TF: variants seen among roughly 807,000 people sequenced by gnomAD.
TF encodes the protein serotransferrin.
Under a neutral mutation model 82.4 loss-of-function variants are expected in TF, and 55 were observed. That is an observed-to-expected ratio of 0.67 (90% confidence interval 0.54 to 0.84). The LOEUF (loss-of-function observed/expected upper bound fraction) is 0.84. Among genes scored for constraint, TF ranks in the 40% least tolerant of loss-of-function variants. TF has a pLI of 0.00. For missense variants in TF, 737 were observed against 868.4 expected (o/e 0.85, Z 1.90); for synonymous variants, 332 against 332.6 (o/e 1.00, Z 0.02).
rs950275854 is a variant in TF at position 133,786,460 on chromosome 3, A to C, written c.*7840A>C. 6.6e-6 allele frequency: 1 copy of C among 152,202 alleles called. No individual in the cohort carries two copies. Among genetic ancestry groups the C allele is most frequent in the African/African-American group, 2.4e-5 (1 of 41,418 alleles). The allele number at this position is 152,202 out of a possible 1,614,324, so 9.4% of individuals were successfully genotyped here. A position where few individuals can be genotyped will look rare whatever the true frequency, so the allele number is the denominator to read the frequency against. ...AGAGGAAAGGAAGTGTAAGAGCTCT[A>C]TGCCAATGTGCTTATAGTGAGGCAA... On this transcript the variant is annotated 3_prime_UTR_variant, in exon 17 of 17. Transcript: ENST00000402696.
rs1299299896 is a variant in TF, at chr3:133,788,011, T to C, written c.*9391T>C. 6.6e-6 allele frequency: 1 copy of C among 152,158 alleles called. No homozygotes were observed. The highest frequency in any genetic ancestry group is 1.5e-5 in the Non-Finnish European group (1 of 68,022). 9.4% of individuals were successfully genotyped at this position (152,158 alleles called of 1,614,324 possible). A position where few individuals can be genotyped will look rare whatever the true frequency, so the allele number is the denominator to read the frequency against. ...GGTGGTGCAGAGGAGCTGGAAGAAA[T>C]GAAGGATTCTAGATCAGAATATTCC... On this transcript the variant is annotated 3_prime_UTR_variant, in exon 17 of 17. Coordinates refer to ENST00000402696, the MANE Select transcript of TF (RefSeq NM_001063.4).
chr3:133,712,475 A>G, the TF span, among the ~76,000 whole-genome samples: 1 of 152,102 alleles, frequency 6.6e-6, no homozygotes, highest in African/African-American at 2.4e-5. Context: ...AACTTGAGTC[A>G]GTTCCCCTTT....
intron 13 of TF, 45 bp downstream of exon 13, chr3:133,768,209 T>A (rs1215354612): frequency 4.3e-6 from 7 of 1,611,850 alleles, no homozygotes. Flanking sequence ...ATACAAGCCC[T>A]GGCCAGATTT....
chr3:133,700,694 A>T, the TF span, among the ~76,000 whole-genome samples: 1 of 152,250 alleles, frequency 6.6e-6, no homozygotes, highest in African/African-American at 2.4e-5. Context: ...CACACCAGGC[A>T]GACAAGCTGG....
At chr3:133,702,617 G>C in the TF span, among the ~76,000 whole-genome samples, 1 of 151,490 alleles carries the variant, frequency 6.6e-6, no homozygotes, top group Non-Finnish European at 1.5e-5. Flanking sequence ...GATGATCTCT[G>C]AGTGACGAAG....
chr3:133,663,916 T>G, the TF span, among the ~76,000 whole-genome samples: 1 of 152,204 alleles, frequency 6.6e-6, no homozygotes, highest in South Asian at 2.1e-4. Flanking sequence ...GTGACCTGTC[T>G]TTAGAGTAAG....
At chr3:133,765,523 CAGGTCACATT>C (rs1182254517) in intron 11 of TF, among the ~76,000 whole-genome samples, 2 of 152,228 alleles carry the variant, frequency 1.3e-5, no homozygotes, top group African/African-American at 4.8e-5. Flanking sequence ...CAGGCCCCTG[CAGGTCACATT>C]CCAGACAGCC....
chr3:133,689,324 A>AAAATAAATAAATAAATAAAATAAC, the TF span, among the ~76,000 whole-genome samples: 2 of 152,058 alleles, frequency 1.3e-5, no homozygotes, highest in African/African-American at 2.4e-5. Context: ...ACTCTGCGTC[A>AAAATAAATAAATAAATAAAATAAC]AAATAAATAA....
Position 133,787,848 on chromosome 3 carries a change from A to T in TF, c.*9228A>T, listed in dbSNP as rs1375668344. 1 of 152,260 alleles carries T rather than the reference A, an allele frequency of 6.6e-6. No homozygotes were observed. Among genetic ancestry groups the T allele is most frequent in the East Asian group, 1.9e-4 (1 of 5,200 alleles). 9.4% of individuals were successfully genotyped at this position (152,260 alleles called of 1,614,324 possible). On this transcript the variant is annotated 3_prime_UTR_variant, in exon 17 of 17. Coordinates refer to ENST00000402696, the MANE Select transcript of TF (RefSeq NM_001063.4). ...TAGATACTAAAGAGGTTGCCAATGT[A>T]TGACAAAAATAGTAAAGTAACACAT... is the stretch of plus-strand genomic sequence containing the variant.
the TF span, chr3:133,699,342 C>G: frequency 3.1e-5 from 18 of 575,784 alleles, no homozygotes; most frequent in Admixed American, 4.1e-4. Context: ...TCCCTCAGTC[C>G]TCTTCAGGCC....
intron 2 of TF, among the ~76,000 whole-genome samples, chr3:133,752,812 GAGAA>G (rs1383965422): frequency 6.6e-6 from 1 of 152,206 alleles, no homozygotes; most frequent in African/African-American, 2.4e-5. Context: ...GGAGCTGAGA[GAGAA>G]AGAGAGATGA....
At chr3:133,760,584 A>G (rs1933969125) in intron 9 of TF, 2 of 152,024 alleles carry the variant, frequency 1.3e-5, no homozygotes, top group African/African-American at 4.8e-5. Flanking sequence ...TTACGTCTGT[A>G]AAAAAAAGGA....
At chr3:133,666,833 G>A in the TF span, among the ~76,000 whole-genome samples, 2,485 of 151,894 alleles carry the variant, frequency 0.016, 39 homozygotes, top group Non-Finnish European at 0.026. Context: ...TCAGAAGATC[G>A]AGACCATCCT....
chr3:133,666,909 G>A, the TF span, among the ~76,000 whole-genome samples: 2 of 152,066 alleles, frequency 1.3e-5, no homozygotes, highest in African/African-American at 4.8e-5. Context: ...GGTGGCGGGC[G>A]CCTGTAGTCC....
rs1299684771 is a variant in TF at position 133,781,513 on chromosome 3, CT to C, written c.*2895del. 1 of 152,072 alleles carries C rather than the reference CT, an allele frequency of 6.6e-6. No homozygotes were observed. Among genetic ancestry groups the C allele is most frequent in the Non-Finnish European group, 1.5e-5 (1 of 68,010 alleles). 9.4% of individuals were successfully genotyped at this position (152,072 alleles called of 1,614,324 possible). On this transcript the variant is annotated 3_prime_UTR_variant, in exon 17 of 17. Coordinates refer to ENST00000402696, the MANE Select transcript of TF (RefSeq NM_001063.4). ...TAATAAAAGCTACATTTAAACCACA[CT>C]TATCAAAGTAAAAAATAATGTAAAG...
At chr3:133,681,387 C>T in the TF span, among the ~76,000 whole-genome samples, 4 of 152,278 alleles carry the variant, frequency 2.6e-5, no homozygotes, top group East Asian at 1.9e-4. Flanking sequence ...GAGCATGACC[C>T]GAAGCAGGGT....
the TF span, among the ~76,000 whole-genome samples, chr3:133,680,722 C>G: frequency 6.6e-6 from 1 of 152,154 alleles, no homozygotes; most frequent in Non-Finnish European, 1.5e-5. Flanking sequence ...TTGTCCCTTT[C>G]ATCACTGGCA....
chr3:133,685,590 C>T, the TF span, among the ~76,000 whole-genome samples: 7 of 152,280 alleles, frequency 4.6e-5, no homozygotes, highest in African/African-American at 1.2e-4. Context: ...CATGAGTGAA[C>T]TCCCATTCAC....
chr3:133,791,009 C>A lies in TF; in HGVS notation c.*12389C>A, dbSNP rs1934817514. 6.6e-6 allele frequency: 1 copy of A among 152,122 alleles called. No individual in the cohort carries two copies. Among genetic ancestry groups the A allele is most frequent in the Non-Finnish European group, 1.5e-5 (1 of 68,032 alleles). The allele number at this position is 152,122 out of a possible 1,614,324, so 9.4% of individuals were successfully genotyped here. A position where few individuals can be genotyped will look rare whatever the true frequency, so the allele number is the denominator to read the frequency against. ...AATTTTCATTTGTTTGCCATTTATT[C>A]TCCTCTGGCTTTGCTTGTGTATGCA... On this transcript the variant is annotated 3_prime_UTR_variant, in exon 17 of 17. Coordinates refer to ENST00000402696, the MANE Select transcript of TF (RefSeq NM_001063.4).
Sources: gnomAD v4.1 joint callset for allele counts (sites outside exome capture counted in the v4.1 genomes callset) on GRCh38, gnomAD v4.1.1 for gene constraint, MANE v1.5 for transcripts, NCBI Gene and HGNC (gene_info 2026-07-23, HGNC 2026-07-21) for gene names.